The following TRIM44 variants were observed in gnomAD, a reference collection of about 807,000 sequenced individuals.
The protein encoded by TRIM44 is tripartite motif-containing protein 44.
A neutral mutation model predicts 37.4 loss-of-function variants in TRIM44; 13 were observed. The ratio of observed to expected loss-of-function variants is 0.35; its 90% confidence interval spans 0.23 to 0.55. TRIM44 has a LOEUF of 0.55. TRIM44 is among the 20% of genes least tolerant of loss of function. The pLI is 0.89. For missense variants in TRIM44, 426 were observed against 437.2 expected (o/e 0.97, Z 0.23); for synonymous variants, 175 against 157.2 (o/e 1.11, Z -0.85).
intron 4 of TRIM44, among the ~76,000 whole-genome samples, chr11:35,803,496 T>C (rs545406232): frequency 1.3e-5 from 2 of 152,176 alleles, no homozygotes; most frequent in East Asian, 3.9e-4. Flanking sequence ...TTTGGGAGAC[T>C]GGGGCAGGCG....
At chr11:35,706,052 A>G (rs1851875545) in intron 2 of TRIM44, among the ~76,000 whole-genome samples, 1 of 148,934 alleles carries the variant, frequency 6.7e-6, no homozygotes, top group Non-Finnish European at 1.5e-5. Context: ...AGAATCAAAT[A>G]GACACAATAA....
rs1363213437 is a variant in TRIM44, at chr11:35,705,874, C to T, written c.748-20050C>T. Among the ~76,000 whole-genome samples the T allele has an allele frequency of 2.7e-5, 4 of 148,544 alleles. 1 individual carries two copies. Among genetic ancestry groups the T allele is most frequent in the Non-Finnish European group, 6.1e-5 (4 of 66,052 alleles). ...AGAACTAGAAAAGCAAGAGCAAACA[C>T]ATTCAAAAGCTAGCAGAGGCAAGAA... On this transcript the variant is annotated intron_variant, in intron 2 of 4. Transcript: ENST00000299413.
chr11:35,713,830 G>A (rs139742131), intron 2 of TRIM44, among the ~76,000 whole-genome samples: 53 of 152,190 alleles, frequency 3.5e-4, no homozygotes, highest in African/African-American at 1.2e-3. Context: ...AGCCAACTAC[G>A]CCCATAGACT....
At chr11:35,666,368 T>C (rs777348516) in intron 1 of TRIM44, among the ~76,000 whole-genome samples, 9 of 152,170 alleles carry the variant, frequency 5.9e-5, no homozygotes, top group Non-Finnish European at 1.3e-4. Flanking sequence ...TGTTGGCCAG[T>C]TTTGGCACTT....
chr11:35,705,779 T>G lies in TRIM44; in HGVS notation c.748-20145T>G, dbSNP rs958393464. On this transcript the variant is annotated intron_variant, in intron 2 of 4. Transcript: ENST00000299413. Reference sequence around the variant, plus strand: ...TTCAAAGCAGTGTGTAGAGGGAAATTTATAGCACTAAATGCCCACAAGAGA... The same window carrying G: ...TTCAAAGCAGTGTGTAGAGGGAAATGTATAGCACTAAATGCCCACAAGAGA... 1.2e-4 allele frequency among the ~76,000 whole-genome samples: 17 copies of G among 146,610 alleles called. 2 individuals are homozygous for G. Among genetic ancestry groups the G allele is most frequent in the East Asian group, 8.0e-4 (4 of 5,018 alleles).
At chr11:35,770,108 C>A (rs1852847396) in intron 4 of TRIM44, among the ~76,000 whole-genome samples, 1 of 152,122 alleles carries the variant, frequency 6.6e-6, no homozygotes, top group Non-Finnish European at 1.5e-5. Flanking sequence ...ATCTTTATGT[C>A]TGTGTGTACC....
chr11:35,695,612 A>G (rs1019948160), intron 2 of TRIM44, among the ~76,000 whole-genome samples: 4 of 152,128 alleles, frequency 2.6e-5, no homozygotes, highest in African/African-American at 9.7e-5. Flanking sequence ...GAACCTCCTA[A>G]AAGACACCAT....
chr11:35,723,005 TTCTCTCTCTACCTCCCTCCTTCTG>T (rs1386908149), intron 2 of TRIM44, among the ~76,000 whole-genome samples: 1 of 151,784 alleles, frequency 6.6e-6, no homozygotes, highest in African/African-American at 2.4e-5. Flanking sequence ...CTCTCTCTCT[TTCTCTCTCTACCTCCCTCCTTCTG>T]TCTCTCTCTA....
chr11:35,703,286 CA>C (rs1851821434), intron 2 of TRIM44, among the ~76,000 whole-genome samples: 1 of 152,242 alleles, frequency 6.6e-6, no homozygotes, highest in African/African-American at 2.4e-5. Flanking sequence ...CACCACAGCT[CA>C]AGGAGGCCTG....
At chr11:35,710,477 G>A (rs990764053) in intron 2 of TRIM44, among the ~76,000 whole-genome samples, 1 of 151,698 alleles carries the variant, frequency 6.6e-6, no homozygotes, top group Non-Finnish European at 1.5e-5. Flanking sequence ...TATATACCTC[G>A]TGTGTGCATG....
At chr11:35,747,515 T>A (rs1193757639) in intron 4 of TRIM44, among the ~76,000 whole-genome samples, 1 of 152,198 alleles carries the variant, frequency 6.6e-6, no homozygotes, top group Non-Finnish European at 1.5e-5. Context: ...AAGATTCATA[T>A]CTTCCAACCT....
rs1223997903 is a variant in TRIM44 at position 35,815,095 on chromosome 11, A to C, written c.*8710A>C. ...CTCTGCTTGCTTTCCTCCCTAAGCC[A>C]GAGTGTAGTTAAACATTTATATGTC... On this transcript the variant is annotated 3_prime_UTR_variant, in exon 5 of 5. Coordinates refer to ENST00000299413, the MANE Select transcript of TRIM44 (RefSeq NM_017583.6). The C allele has an allele frequency of 6.6e-6, 1 of 152,162 alleles. No homozygotes were observed. Among genetic ancestry groups the C allele is most frequent in the Non-Finnish European group, 1.5e-5 (1 of 68,040 alleles). The allele number at this position is 152,162 out of a possible 1,614,324, so 9.4% of individuals were successfully genotyped here. A position where few individuals can be genotyped will look rare whatever the true frequency, so the allele number is the denominator to read the frequency against.
chr11:35,796,607 C>G (rs772836633), intron 4 of TRIM44, among the ~76,000 whole-genome samples: 1 of 152,142 alleles, frequency 6.6e-6, no homozygotes, highest in African/African-American at 2.4e-5. Flanking sequence ...TCTCCACCCC[C>G]TGAAATTGCC....
At chr11:35,684,987 A>T (rs1851557702) in intron 1 of TRIM44, among the ~76,000 whole-genome samples, 2 of 152,220 alleles carry the variant, frequency 1.3e-5, no homozygotes, top group African/African-American at 4.8e-5. Flanking sequence ...ACACCAGCAC[A>T]GTTGAGCCTG....
chr11:35,697,856 T>C (rs61879651), intron 2 of TRIM44, among the ~76,000 whole-genome samples: 2 of 152,248 alleles, frequency 1.3e-5, no homozygotes, highest in African/African-American at 4.8e-5. Context: ...TCTATCGTTG[T>C]TGGACATTTG....
rs1564980285 is a variant in TRIM44, at chr11:35,726,178, C to CAAG, written c.987+16_987+17insAGA. On this transcript the variant is annotated intron_variant, in intron 3 of 4. Transcript: ENST00000299413. Reference sequence around the variant, plus strand: ...CAAAGGCAGAGGTAAAGGAAAAGCCCATAATTATTAGTAGCAAGAGAAATA... The same window carrying CAAG: ...CAAAGGCAGAGGTAAAGGAAAAGCCCAAGATAATTATTAGTAGCAAGAGAAATA... 1 of 1,610,534 alleles carries CAAG rather than the reference C, an allele frequency of 6.2e-7. No individual in the cohort carries two copies. The highest frequency in any genetic ancestry group is 1.7e-5 in the Admixed American group (1 of 59,786).
At chr11:35,748,328 G>A (rs1167304743) in intron 4 of TRIM44, among the ~76,000 whole-genome samples, 2 of 152,156 alleles carry the variant, frequency 1.3e-5, no homozygotes, top group Admixed American at 6.5e-5. Flanking sequence ...AGGAGGACTC[G>A]AGGAAGTGAT....
At chr11:35,689,557 A>G (rs1851617512) in intron 2 of TRIM44, among the ~76,000 whole-genome samples, 1 of 152,184 alleles carries the variant, frequency 6.6e-6, no homozygotes, top group African/African-American at 2.4e-5. Context: ...CACCTATTGC[A>G]CAAGCAGGAT....
At chr11:35,674,552 T>G (rs1473243767) in intron 1 of TRIM44, among the ~76,000 whole-genome samples, 1 of 152,212 alleles carries the variant, frequency 6.6e-6, no homozygotes, top group Admixed American at 6.5e-5. Flanking sequence ...GTTTAGTTAG[T>G]TTTTGGTAAG....
Sources: gnomAD v4.1 joint callset for allele counts (sites outside exome capture counted in the v4.1 genomes callset) on GRCh38, gnomAD v4.1.1 for gene constraint, MANE v1.5 for transcripts, NCBI Gene and HGNC (gene_info 2026-07-23, HGNC 2026-07-21) for gene names.